Variants in FGF14 observed in about 807,000 individuals in gnomAD.
The protein encoded by FGF14 is fibroblast growth factor homologous factor 4.
A neutral mutation model predicts 25.5 loss-of-function variants in FGF14; 5 were observed. That is an observed-to-expected ratio of 0.20 (90% CI 0.10 to 0.41). FGF14 has a LOEUF of 0.41. FGF14 is among the 10% of genes least tolerant of loss of function. FGF14 has a pLI of 1.00. For synonymous variants in FGF14, 138 were observed against 118.3 expected (o/e 1.17, Z -1.08); for missense variants, 222 against 320.1 (o/e 0.69, Z 2.34).
chr13:102,269,553 T>G (rs1450410121), intron 1 of FGF14, among the ~76,000 whole-genome samples: 1 of 152,198 alleles, frequency 6.6e-6, no homozygotes, highest in Non-Finnish European at 1.5e-5. Flanking sequence ...TTTTATTTTA[T>G]TATATTTTAT....
At chr13:102,119,679 G>A (rs1199621419) in intron 1 of FGF14, among the ~76,000 whole-genome samples, 1 of 152,108 alleles carries the variant, frequency 6.6e-6, no homozygotes, top group Non-Finnish European at 1.5e-5. Context: ...ACACATAAAA[G>A]TATGTTATAT....
chr13:101,945,187 G>A (rs925427398), intron 1 of FGF14, among the ~76,000 whole-genome samples: 6 of 152,030 alleles, frequency 3.9e-5, no homozygotes, highest in South Asian at 2.1e-4. Flanking sequence ...GTGTGGTGGC[G>A]CATGACTGTA....
chr13:101,901,224 T>C (rs1038651541), intron 1 of FGF14, among the ~76,000 whole-genome samples: 1 of 152,110 alleles, frequency 6.6e-6, no homozygotes, highest in African/African-American at 2.4e-5. Context: ...GTGGAATTCC[T>C]ATTATTGAAA....
At chr13:102,189,028 AAGAAAGAAAGAAAGAGAAAGAAT>A (rs756959681) in intron 1 of FGF14, among the ~76,000 whole-genome samples, 4,170 of 79,248 alleles carry the variant, frequency 0.053, 237 homozygotes, top group Non-Finnish European at 0.066. Context: ...GAAAGAAGAA[AAGAAAGAAAGAAAGAGAAAGAAT>A]GAAAGAAGAA....
intron 1 of FGF14, among the ~76,000 whole-genome samples, chr13:102,161,570 A>AAAGAAG (rs1555369389): frequency 7.1e-4 from 4 of 5,650 alleles, no homozygotes; most frequent in South Asian, 8.1e-3. Flanking sequence ...TTCTGTGAAG[A>AAAGAAG]AAGAAAGAAG....
At chr13:101,892,163 A>G (rs1197927889) in intron 1 of FGF14, among the ~76,000 whole-genome samples, 1 of 152,184 alleles carries the variant, frequency 6.6e-6, no homozygotes, top group Non-Finnish European at 1.5e-5. Flanking sequence ...AAGATGCAAA[A>G]GAAGCATCTT....
In FGF14 at chr13:101,724,251, C is replaced by T. The variant is rs544087002; in HGVS notation, c.608-1284G>A. Among the ~76,000 whole-genome samples the T allele has an allele frequency of 9.2e-5, 14 of 152,102 alleles. No homozygotes were observed. In the South Asian group the frequency reaches 2.9e-3, roughly 32 times the overall value. Reference sequence around the variant, plus strand: ...GGATTAAGCAAATGTGGCACATATACACCATGGAATACTATGCAGCCATAA... The same window carrying T: ...GGATTAAGCAAATGTGGCACATATATACCATGGAATACTATGCAGCCATAA... On this transcript the variant is annotated intron_variant, in intron 4 of 4. Transcript: ENST00000376143.
chr13:102,266,108 C>T (rs778299696), intron 1 of FGF14, among the ~76,000 whole-genome samples: 27 of 152,040 alleles, frequency 1.8e-4, no homozygotes, highest in African/African-American at 5.6e-4. Context: ...TTAACCAAGA[C>T]GCAGATTTCT....
At chr13:102,188,348 T>A (rs2048955772) in intron 1 of FGF14, among the ~76,000 whole-genome samples, 1 of 152,156 alleles carries the variant, frequency 6.6e-6, no homozygotes, top group Non-Finnish European at 1.5e-5. Flanking sequence ...GAAAGCAATA[T>A]AGCATTGTGA....
intron 1 of FGF14, among the ~76,000 whole-genome samples, chr13:102,338,427 G>A (rs1416107796): frequency 2.0e-5 from 3 of 152,298 alleles, no homozygotes; most frequent in Non-Finnish European, 4.4e-5. Context: ...TGGACATACT[G>A]ACTGACATTT....
At chr13:101,904,493 A>T (rs980948096) in intron 1 of FGF14, among the ~76,000 whole-genome samples, 4 of 152,246 alleles carry the variant, frequency 2.6e-5, no homozygotes, top group Admixed American at 2.6e-4. Context: ...TTGCTAAAAA[A>T]TGGATATTGC....
At chr13:102,354,191 T>C (rs2057363112) in intron 1 of FGF14, 1 of 152,266 alleles carries the variant, frequency 6.6e-6, no homozygotes, top group African/African-American at 2.4e-5. Flanking sequence ...GATTTCACCT[T>C]GGCAATGTAA....
In FGF14 at chr13:102,221,106, C is replaced by T. The variant is rs187921118; in HGVS notation, c.208+180365G>A. 2.8e-3 allele frequency among the ~76,000 whole-genome samples: 419 copies of T among 152,290 alleles called. 1 individual carries two copies. The highest frequency in any genetic ancestry group is 8.9e-3 in the African/African-American group (372 of 41,568). ...AAAGAATGTTTCCCAAGAGCCCTTG[C>T]TTGCTTTTCAATGTTCAACTAACTC... On this transcript the variant is annotated intron_variant, in intron 1 of 4. Coordinates refer to the FGF14 transcript ENST00000376131.
intron 1 of FGF14, among the ~76,000 whole-genome samples, chr13:102,219,918 T>C (rs1055079444): frequency 6.6e-6 from 1 of 152,164 alleles, no homozygotes. Context: ...TAATTATCAT[T>C]GGAAGACTAC....
intron 1 of FGF14, among the ~76,000 whole-genome samples, chr13:101,898,914 C>G (rs2031130911): frequency 1.3e-5 from 2 of 152,166 alleles, no homozygotes; most frequent in Admixed American, 1.3e-4. Context: ...ATTACTCTTT[C>G]TCTCAAGAAT....
intron 1 of FGF14, among the ~76,000 whole-genome samples, chr13:102,070,822 T>G (rs2043123237): frequency 6.6e-6 from 1 of 152,214 alleles, no homozygotes; most frequent in Non-Finnish European, 1.5e-5. Flanking sequence ...TAGACTGTAG[T>G]ACAAAGACCT....
intron 3 of FGF14, among the ~76,000 whole-genome samples, chr13:101,806,901 A>G (rs1594318519): frequency 6.6e-6 from 1 of 152,174 alleles, no homozygotes; most frequent in Non-Finnish European, 1.5e-5. Context: ...GAGCTTCCGA[A>G]TTCAACATAA....
intron 1 of FGF14, among the ~76,000 whole-genome samples, chr13:102,364,436 G>A (rs944964367): frequency 3.3e-5 from 5 of 152,182 alleles, no homozygotes; most frequent in African/African-American, 1.2e-4. Flanking sequence ...CAGTAGTGGG[G>A]TTCTTCTACA....
chr13:102,127,036 C>T (rs1159899884), intron 1 of FGF14, among the ~76,000 whole-genome samples: 2 of 152,148 alleles, frequency 1.3e-5, no homozygotes, highest in African/African-American at 4.8e-5. Flanking sequence ...CAGAGTTACA[C>T]TAGAACTCAC....
Sources: gnomAD v4.1 joint callset for allele counts (sites outside exome capture counted in the v4.1 genomes callset) on GRCh38, gnomAD v4.1.1 for gene constraint, MANE v1.5 for transcripts, NCBI Gene and HGNC (gene_info 2026-07-23, HGNC 2026-07-21) for gene names.